The following ELMO1 variants were observed in gnomAD, a reference collection of about 807,000 sequenced individuals.
ELMO1 encodes the protein engulfment and cell motility protein 1.
In ELMO1, 26 loss-of-function variants were observed where a neutral mutation model predicts 98.9. The ratio of observed to expected loss-of-function variants is 0.26; its 90% CI spans 0.19 to 0.36. The LOEUF (loss-of-function observed/expected upper bound fraction) is 0.36, where lower values mean the gene tolerates loss of function less well. ELMO1 is among the 10% of genes least tolerant of loss of function. ELMO1 has a pLI of 1.00. For synonymous variants in ELMO1, 346 were observed against 346.0 expected (o/e 1.00, Z 0.00); for missense variants, 627 against 935.2 (o/e 0.67, Z 4.30).
chr7:37,221,873 T>C (rs2130529982), intron 10 of ELMO1, among the ~76,000 whole-genome samples: 1 of 152,188 alleles, frequency 6.6e-6, no homozygotes, highest in East Asian at 1.9e-4. Flanking sequence ...AATTTTTGTA[T>C]ATTTAGTAGA....
intron 16 of ELMO1, among the ~76,000 whole-genome samples, chr7:36,996,762 C>A (rs1377737207): frequency 6.6e-6 from 1 of 152,164 alleles, no homozygotes; most frequent in Non-Finnish European, 1.5e-5. Flanking sequence ...GAAGGACAGG[C>A]AGATTTTTCA....
chr7:36,899,475 A>T (rs554975210), intron 16 of ELMO1, among the ~76,000 whole-genome samples: 1 of 152,172 alleles, frequency 6.6e-6, no homozygotes, highest in East Asian at 1.9e-4. Context: ...AGGAGGTAGG[A>T]AGTACATGCT....
chr7:37,276,775 T>A (rs1056987598), intron 4 of ELMO1, among the ~76,000 whole-genome samples: 1 of 152,232 alleles, frequency 6.6e-6, no homozygotes, highest in Admixed American at 6.5e-5. Context: ...AGCAAATGCA[T>A]ACCTCTTCTG....
intron 13 of ELMO1, among the ~76,000 whole-genome samples, chr7:37,162,493 G>A (rs1047160901): frequency 2.6e-5 from 4 of 152,204 alleles, no homozygotes; most frequent in South Asian, 2.1e-4. Flanking sequence ...TTTAAACGTC[G>A]TAAACATGCA....
intron 21 of ELMO1, among the ~76,000 whole-genome samples, chr7:36,860,341 G>A (rs556795556): frequency 1.2e-4 from 18 of 152,140 alleles, no homozygotes; most frequent in East Asian, 1.9e-4. Context: ...AGGTCTCTCC[G>A]TGCTCATTTG....
intron 14 of ELMO1, among the ~76,000 whole-genome samples, chr7:37,115,711 C>T (rs1486102954): frequency 1.3e-5 from 2 of 151,708 alleles, no homozygotes; most frequent in Non-Finnish European, 2.9e-5. Flanking sequence ...CTCCTATCAC[C>T]CCTATGTAAC....
chr7:37,215,564 G>A (rs1793230982), intron 11 of ELMO1, among the ~76,000 whole-genome samples: 1 of 152,064 alleles, frequency 6.6e-6, no homozygotes, highest in Non-Finnish European at 1.5e-5. Flanking sequence ...CTGTTCTCCT[G>A]CCCTAACCAC....
chr7:36,957,733 C>T (rs1788587013), intron 16 of ELMO1, among the ~76,000 whole-genome samples: 2 of 152,140 alleles, frequency 1.3e-5, no homozygotes, highest in South Asian at 4.1e-4. Context: ...GGAGTCCTGA[C>T]AAGATAAGTA....
At chr7:37,045,822 C>T (rs1467724284) in intron 15 of ELMO1, among the ~76,000 whole-genome samples, 1 of 152,170 alleles carries the variant, frequency 6.6e-6, no homozygotes, top group Non-Finnish European at 1.5e-5. Context: ...GTTAACAAAG[C>T]ATTTCCCCAC....
chr7:37,082,143 G>A (rs1797896307), intron 15 of ELMO1, among the ~76,000 whole-genome samples: 1 of 152,174 alleles, frequency 6.6e-6, no homozygotes, highest in South Asian at 2.1e-4. Context: ...AGATACCGCT[G>A]TTTCCACGTA....
chr7:37,330,122 T>C (rs1800024456), intron 2 of ELMO1, among the ~76,000 whole-genome samples: 1 of 152,232 alleles, frequency 6.6e-6, no homozygotes, highest in African/African-American at 2.4e-5. Flanking sequence ...AGAGCCCCTG[T>C]TCTTTCTCAC....
chr7:36,908,196 A>G (rs1784096466), intron 16 of ELMO1, among the ~76,000 whole-genome samples: 1 of 152,234 alleles, frequency 6.6e-6, no homozygotes, highest in Non-Finnish European at 1.5e-5. Context: ...TGGGTCCTAG[A>G]ACAGTGCCAA....
intron 1 of ELMO1, among the ~76,000 whole-genome samples, chr7:37,438,980 C>T (rs1236913692): frequency 6.6e-6 from 1 of 152,232 alleles, no homozygotes; most frequent in Admixed American, 6.5e-5. Flanking sequence ...CCCTCCTTTA[C>T]CTCTGCTCAG....
intron 16 of ELMO1, among the ~76,000 whole-genome samples, chr7:36,978,833 A>G (rs974674962): frequency 3.3e-5 from 5 of 152,204 alleles, no homozygotes; most frequent in African/African-American, 1.2e-4. Flanking sequence ...ATTCCTCCTC[A>G]ATAAACAAGG....
intron 15 of ELMO1, among the ~76,000 whole-genome samples, chr7:37,040,156 A>C (rs1216352536): frequency 6.6e-6 from 1 of 152,226 alleles, no homozygotes; most frequent in South Asian, 2.1e-4. Flanking sequence ...AAATTTAAAT[A>C]GCTACCTGTG....
chr7:37,428,030 GGTGTGT>G (rs10681558), intron 1 of ELMO1, among the ~76,000 whole-genome samples: 19 of 149,820 alleles, frequency 1.3e-4, no homozygotes, highest in Middle Eastern at 6.9e-3. Context: ...GTATGCTTGG[GGTGTGT>G]GTGTGTGTGT....
intron 13 of ELMO1, among the ~76,000 whole-genome samples, chr7:37,198,962 A>G (rs1241220877): frequency 6.6e-6 from 1 of 152,220 alleles, no homozygotes; most frequent in Non-Finnish European, 1.5e-5. Context: ...CCTCCACTTC[A>G]TGAACACATC....
chr7:37,412,609 T>C (rs1163480444), intron 1 of ELMO1, among the ~76,000 whole-genome samples: 1 of 151,600 alleles, frequency 6.6e-6, no homozygotes, highest in East Asian at 1.9e-4. Context: ...AATGTATTGG[T>C]TTTAAAACAT....
chr7:37,128,859 A>G (rs1786705804), intron 14 of ELMO1, among the ~76,000 whole-genome samples: 1 of 152,214 alleles, frequency 6.6e-6, no homozygotes, highest in Non-Finnish European at 1.5e-5. Flanking sequence ...CCTGCTCACA[A>G]GACATTTACA....
Sources: allele counts gnomAD v4.1 joint callset (sites outside exome capture counted in the v4.1 genomes callset), GRCh38; gene constraint gnomAD v4.1.1; transcripts MANE v1.5; gene names NCBI Gene and HGNC (gene_info 2026-07-23, HGNC 2026-07-21).